Variants in MYOM1 observed in about 807,000 individuals in gnomAD.
The protein encoded by MYOM1 is myomesin 1, also known as myomesin-1.
Under a neutral mutation model 205.3 loss-of-function variants are expected in MYOM1, and 164 were observed. That is an observed-to-expected ratio of 0.80 (90% confidence interval 0.70 to 0.91). The LOEUF (loss-of-function observed/expected upper bound fraction) is 0.91, where lower values mean the gene tolerates loss of function less well. MYOM1 is among the 40% of genes least tolerant of loss of function. The probability of loss-of-function intolerance (pLI) is 0.00; values close to 1 mark genes in which losing one functional copy is unlikely to be tolerated. For missense variants in MYOM1, 2,011 were observed against 2,127.3 expected, an observed-to-expected ratio of 0.95 and a Z score of 1.08; for synonymous variants, 772 against 789.4, an observed-to-expected ratio of 0.98 and a Z score of 0.37.
intron 17 of MYOM1, 76 bp downstream of exon 17, chr18:3,131,299 T>C (rs1283686889): frequency 2.0e-6 from 3 of 1,510,190 alleles, no homozygotes; most frequent in Non-Finnish European, 2.7e-6. Flanking sequence ...AAATAATTTC[T>C]GGAGAGGATG....
At chr18:3,115,618 C>T (rs941903140) in intron 21 of MYOM1, among the ~76,000 whole-genome samples, 1 of 152,210 alleles carries the variant, frequency 6.6e-6, no homozygotes, top group East Asian at 1.9e-4. Context: ...ATATTCCCTA[C>T]AGTTTCTGAG....
chr18:3,208,767 C>T (rs555146334), intron 2 of MYOM1, among the ~76,000 whole-genome samples: 75 of 152,106 alleles, frequency 4.9e-4, no homozygotes, highest in Non-Finnish European at 8.2e-4. Flanking sequence ...GCAATAAAAT[C>T]GTTTCTAAAG....
Position 3,188,834 on chromosome 18 carries a change from CG to C in MYOM1, c.684del (p.Ala229LeufsTer16), listed in dbSNP as rs2144149352. On this transcript the variant is annotated frameshift_variant, in exon 4 of 38. Coordinates refer to ENST00000356443, the MANE Select transcript of MYOM1 (RefSeq NM_003803.4). LOFTEE classifies it high-confidence loss of function. ...RQSVVSKQAT[S>X]ALQQEETSEK... ...TCAGAAGTTTCTTCCTGTTGAAGAGCGGATGTGGCCTGTTTGGAAACCACAG... is the reference window on the plus strand; with the variant it reads ...TCAGAAGTTTCTTCCTGTTGAAGAGCGATGTGGCCTGTTTGGAAACCACAG... 6.2e-7 allele frequency: 1 copy of C among 1,612,608 alleles called. No homozygotes were observed. Among genetic ancestry groups the C allele is most frequent in the East Asian group, 2.2e-5 (1 of 44,812 alleles).
intron 9 of MYOM1, among the ~76,000 whole-genome samples, chr18:3,168,291 T>G (rs1398014728): frequency 1.8e-5 from 2 of 108,184 alleles, no homozygotes; most frequent in Non-Finnish European, 3.6e-5. Context: ...ACTTACAAAA[T>G]GAATATACTT....
At chr18:3,075,816 AG>A in intron 34 of MYOM1, 55 bp from the exon 35 acceptor site, 1 of 1,470,852 alleles carries the variant, frequency 6.8e-7, no homozygotes, top group Middle Eastern at 2.0e-4. Context: ...GATGACACAC[AG>A]GGGCGATTAA....
At position 3,067,206 on chromosome 18, in the gene MYOM1, C is replaced by T. The variant is rs2078904686; in HGVS notation, c.*56G>A. On this transcript the variant is annotated 3_prime_UTR_variant, in exon 38 of 38. Coordinates refer to ENST00000356443, the MANE Select transcript of MYOM1 (RefSeq NM_003803.4). ...AAGCATGAAGACGTCTCATCCTTAA[C>T]CCAAACCATTCACACCCAAGTCACA... is the stretch of plus-strand genomic sequence containing the variant. 6.6e-7 allele frequency: 1 copy of T among 1,521,220 alleles called. No homozygotes were observed. Among genetic ancestry groups the T allele is most frequent in the Non-Finnish European group, 8.9e-7 (1 of 1,127,352 alleles). The allele number at this position is 1,521,220 out of a possible 1,614,324, so 94.2% of individuals were successfully genotyped here. A position where few individuals can be genotyped will look rare whatever the true frequency, so the allele number is the denominator to read the frequency against.
chr18:3,119,744 A>G (rs1401833795), intron 20 of MYOM1, 125 bp downstream of exon 20: 2 of 1,228,656 alleles, frequency 1.6e-6, no homozygotes, highest in Middle Eastern at 3.0e-4. Context: ...GGTAAACACA[A>G]GGGGCCAAGA....
At chr18:3,127,305 A>ATATTTT (rs56880961) in intron 18 of MYOM1, among the ~76,000 whole-genome samples, 30 of 47,578 alleles carry the variant, frequency 6.3e-4, no homozygotes, top group Admixed American at 1.5e-3. Flanking sequence ...ATATATATAT[A>ATATTTT]TTTTTTTTTT....
In MYOM1 at chr18:3,160,102, C is replaced by CCTTCTT. The variant is rs148197003; in HGVS notation, c.1501+4170_1501+4175dup. On this transcript the variant is annotated intron_variant, in intron 10 of 37. Transcript: ENST00000356443. The stretch of plus-strand genomic sequence containing the variant: ...TCCTCCTCCTCCTTCTTCTCCTCCT[C>CCTTCTT]CTTCTTCTTCTTCTCTTCCTCCTCC... 5.5e-5 allele frequency among the ~76,000 whole-genome samples: 8 copies of CCTTCTT among 146,490 alleles called. 1 individual carries two copies. Among genetic ancestry groups the CCTTCTT allele is most frequent in the African/African-American group, 5.1e-5 (2 of 39,198 alleles).
intron 17 of MYOM1, 141 bp from the exon 18 acceptor site, chr18:3,129,660 T>C: frequency 1.2e-6 from 1 of 801,528 alleles, no homozygotes; most frequent in Non-Finnish European, 1.9e-6. Flanking sequence ...CGCTCACATT[T>C]GCAAGAAATA....
Position 3,086,132 on chromosome 18 carries a change from T to G in MYOM1, c.4157A>C (p.Glu1386Ala). Residue 1386 changes from glutamate (E) to alanine (A), a missense_variant, in exon 30 of 38, where the codon GAG becomes GCG. Physicochemically the swap from Glu to Ala is moderately radical, Grantham distance 107. Transcript: ENST00000356443. ...LKCKVANIKK[E>A]THIVWYKDER... ...ATCTTTGTACCACACAATATGAGTC[T>G]CCTTCTTAATATTTGCCACCTAGGA... is the stretch of plus-strand genomic sequence containing the variant. The G allele has an allele frequency of 6.3e-7, 1 of 1,599,428 alleles. No homozygotes were observed. Among genetic ancestry groups the G allele is most frequent in the Non-Finnish European group, 8.5e-7 (1 of 1,174,740 alleles).
In MYOM1 at chr18:3,214,901, G is replaced by A. The variant is rs752398321; in HGVS notation, c.290+33C>T. On this transcript the variant is annotated intron_variant, in intron 2 of 37. Coordinates refer to ENST00000356443, the MANE Select transcript of MYOM1 (RefSeq NM_003803.4). ...ACTCAGAGCACACGCCTCTTCCTGA[G>A]GTTGGAAGGTTGGAGGAGGGCGTCC... 3.2e-6 allele frequency: 5 copies of A among 1,546,742 alleles called. No homozygotes were observed. In the Admixed American group the frequency reaches 5.7e-5, roughly 18 times the overall value.
At chr18:3,208,384 C>T (rs1295783855) in intron 2 of MYOM1, among the ~76,000 whole-genome samples, 5 of 152,168 alleles carry the variant, frequency 3.3e-5, no homozygotes, top group South Asian at 2.1e-4. Context: ...CATAGTGGCA[C>T]GCGCCTATAG....
intron 36 of MYOM1, 27 bp from the exon 37 acceptor site, chr18:3,071,916 T>A (rs763663857): frequency 3.2e-5 from 51 of 1,592,602 alleles, no homozygotes; most frequent in Non-Finnish European, 4.0e-5. Flanking sequence ...TTTGGGTTAA[T>A]CACTGCAGTG....
chr18:3,094,907 C>G (rs2079280629), intron 25 of MYOM1, among the ~76,000 whole-genome samples: 1 of 152,000 alleles, frequency 6.6e-6, no homozygotes, highest in South Asian at 2.1e-4. Flanking sequence ...AAGTGATCCT[C>G]CTTGGCCTCC....
At chr18:3,103,612 A>G (rs970466547) in intron 22 of MYOM1, among the ~76,000 whole-genome samples, 1 of 152,216 alleles carries the variant, frequency 6.6e-6, no homozygotes, top group Non-Finnish European at 1.5e-5. Flanking sequence ...TATTACATTT[A>G]ATCCCAGAAA....
intron 26 of MYOM1, 26 bp downstream of exon 26, chr18:3,094,144 A>G (rs761518415): frequency 1.2e-6 from 2 of 1,610,128 alleles, no homozygotes; most frequent in Non-Finnish European, 1.7e-6. Flanking sequence ...TGATACATTA[A>G]AAAGTCTAAA....
intron 13 of MYOM1, among the ~76,000 whole-genome samples, chr18:3,148,738 C>T (rs974716420): frequency 4.0e-5 from 6 of 148,246 alleles, no homozygotes; most frequent in South Asian, 2.2e-4. Context: ...CCCAGCTGCT[C>T]GGGAGGCTGA....
At chr18:3,203,453 T>C (rs2081091493) in intron 2 of MYOM1, among the ~76,000 whole-genome samples, 1 of 151,800 alleles carries the variant, frequency 6.6e-6, no homozygotes, top group Non-Finnish European at 1.5e-5. Context: ...GAGACATCAC[T>C]AACAACCTTA....
Sources: gnomAD v4.1 joint callset for allele counts (sites outside exome capture counted in the v4.1 genomes callset) on GRCh38, gnomAD v4.1.1 for gene constraint, MANE v1.5 for transcripts, NCBI Gene and HGNC (gene_info 2026-07-23, HGNC 2026-07-21) for gene names.